CADM2: variants seen among roughly 807,000 people sequenced by gnomAD.
CADM2 encodes the protein immunoglobulin superfamily member 4D.
Under a neutral mutation model 49.8 loss-of-function variants are expected in CADM2, and 12 were observed. The ratio of observed to expected loss-of-function variants is 0.24; its 90% CI spans 0.15 to 0.39. CADM2 has a LOEUF of 0.39. Ranked by LOEUF, CADM2 falls within the 10% of genes least tolerant of loss-of-function variation. The probability of loss-of-function intolerance (pLI) is 1.00; values close to 1 mark genes in which losing one functional copy is unlikely to be tolerated. For synonymous variants in CADM2, 214 were observed against 175.4 expected (o/e 1.22, Z -1.74); for missense variants, 378 against 492.3 (o/e 0.77, Z 2.20).
intron 1 of CADM2, among the ~76,000 whole-genome samples, chr3:85,515,957 A>G (rs77409828): frequency 6.6e-6 from 1 of 152,256 alleles, no homozygotes; most frequent in East Asian, 1.9e-4. Context: ...GACAGCTTTA[A>G]TTTTTAAACT....
intron 1 of CADM2, among the ~76,000 whole-genome samples, chr3:85,246,746 C>T (rs904020760): frequency 1.4e-4 from 22 of 152,040 alleles, no homozygotes; most frequent in African/African-American, 5.3e-4. Flanking sequence ...CTGTGAAGAA[C>T]ATACAAGTGT....
intron 1 of CADM2, among the ~76,000 whole-genome samples, chr3:85,267,189 A>T (rs543255913): frequency 2.6e-5 from 4 of 151,898 alleles, no homozygotes; most frequent in Admixed American, 2.6e-4. Flanking sequence ...ATTTTTAATT[A>T]TCTTATCACT....
intron 8 of CADM2, among the ~76,000 whole-genome samples, chr3:85,999,266 A>AGT (rs1559791795): frequency 1.6e-4 from 17 of 104,396 alleles, no homozygotes; most frequent in South Asian, 7.3e-4. Flanking sequence ...TGGGAGGCCG[A>AGT]GGGTTGGGGG....
chr3:85,103,717 A>T (rs951195341), intron 1 of CADM2, among the ~76,000 whole-genome samples: 1 of 152,062 alleles, frequency 6.6e-6, no homozygotes, highest in Non-Finnish European at 1.5e-5. Flanking sequence ...GCAAGGGGGG[A>T]GGCATCCCAT....
chr3:85,611,027 T>C (rs545693519), intron 1 of CADM2, among the ~76,000 whole-genome samples: 1 of 152,020 alleles, frequency 6.6e-6, no homozygotes, highest in South Asian at 2.1e-4. Context: ...ACACTACTGA[T>C]CATGTATATC....
intron 1 of CADM2, among the ~76,000 whole-genome samples, chr3:85,409,329 A>G (rs2035551446): frequency 6.6e-6 from 1 of 152,138 alleles, no homozygotes; most frequent in African/African-American, 2.4e-5. Context: ...AGCTAATATT[A>G]TGAGATTATA....
chr3:85,574,850 A>C (rs771929270), intron 1 of CADM2, among the ~76,000 whole-genome samples: 35 of 152,100 alleles, frequency 2.3e-4, no homozygotes, highest in Non-Finnish European at 8.8e-5. Context: ...TTGTCAGTAG[A>C]GCACTTTAGC....
chr3:86,042,273 A>G (rs551783096), intron 8 of CADM2, among the ~76,000 whole-genome samples: 2 of 152,276 alleles, frequency 1.3e-5, no homozygotes, highest in South Asian at 4.1e-4. Context: ...CCCTTCAAAA[A>G]ATCAATGAAT....
chr3:85,292,992 A>G (rs1239773012), intron 1 of CADM2, among the ~76,000 whole-genome samples: 1 of 152,176 alleles, frequency 6.6e-6, no homozygotes, highest in Non-Finnish European at 1.5e-5. Flanking sequence ...AAAATTAATG[A>G]TTCCAGGAGC....
chr3:85,190,052 GC>G (rs2041171748), intron 1 of CADM2, among the ~76,000 whole-genome samples: 1 of 147,188 alleles, frequency 6.8e-6, no homozygotes, highest in Admixed American at 7.0e-5. Flanking sequence ...GTGAGGGAGA[GC>G]AAGACAAAAT....
intron 3 of CADM2, among the ~76,000 whole-genome samples, chr3:85,803,724 G>T (rs1206946495): frequency 6.6e-6 from 1 of 151,818 alleles, no homozygotes; most frequent in Non-Finnish European, 1.5e-5. Context: ...TTCTCATAAG[G>T]CCTTCCACTG....
intron 1 of CADM2, among the ~76,000 whole-genome samples, chr3:85,338,382 TTTTG>T (rs1415458228): frequency 4.6e-5 from 7 of 151,534 alleles, no homozygotes; most frequent in Admixed American, 6.6e-5. Context: ...AGTACAGAGT[TTTTG>T]TTTGTTTGTT....
At chr3:86,066,289 T>C (rs989025412) in intron 9 of CADM2, among the ~76,000 whole-genome samples, 33 of 121,366 alleles carry the variant, frequency 2.7e-4, no homozygotes, top group Middle Eastern at 6.1e-3. Flanking sequence ...GCTGAGATCG[T>C]GCCACTGCAC....
intron 3 of CADM2, among the ~76,000 whole-genome samples, chr3:85,840,046 C>T (rs1002487129): frequency 1.3e-5 from 2 of 151,792 alleles, no homozygotes; most frequent in Admixed American, 1.3e-4. Context: ...CCAGTTCACT[C>T]TCCTTCAGCT....
intron 2 of CADM2, among the ~76,000 whole-genome samples, chr3:85,783,308 A>C (rs1214859754): frequency 6.6e-6 from 1 of 152,240 alleles, no homozygotes; most frequent in Non-Finnish European, 1.5e-5. Context: ...AAAATAGCTT[A>C]ACAGTCAACT....
chr3:85,784,148 C>T (rs1369841891), intron 2 of CADM2, among the ~76,000 whole-genome samples: 2 of 152,218 alleles, frequency 1.3e-5, no homozygotes, highest in Non-Finnish European at 2.9e-5. Flanking sequence ...TCCCATCTTG[C>T]TCCCAATAAC....
chr3:85,399,884 T>G (rs1372343137), intron 1 of CADM2, among the ~76,000 whole-genome samples: 1 of 152,180 alleles, frequency 6.6e-6, no homozygotes, highest in Admixed American at 6.5e-5. Flanking sequence ...ACGATGGGGT[T>G]TTCTAAATAT....
chr3:85,457,574 G>T (rs1291942320), intron 1 of CADM2, among the ~76,000 whole-genome samples: 2 of 151,972 alleles, frequency 1.3e-5, no homozygotes, highest in Non-Finnish European at 2.9e-5. Flanking sequence ...CACAAAAAGG[G>T]CATCTAGTGA....
At chr3:85,946,190 A>G (rs1001599512) in intron 7 of CADM2, among the ~76,000 whole-genome samples, 6 of 151,744 alleles carry the variant, frequency 4.0e-5, no homozygotes, top group African/African-American at 1.5e-4. Flanking sequence ...TTGCTTCAAA[A>G]AGAATAAAAT....
Sources: gnomAD v4.1 joint callset for allele counts (sites outside exome capture counted in the v4.1 genomes callset) on GRCh38, gnomAD v4.1.1 for gene constraint, MANE v1.5 for transcripts, NCBI Gene and HGNC (gene_info 2026-07-23, HGNC 2026-07-21) for gene names.